The following ADGRV1 variants were observed in gnomAD, a reference collection of about 807,000 sequenced individuals.
The protein encoded by ADGRV1 is G-protein coupled receptor 98.
Under a neutral mutation model 596.2 loss-of-function variants are expected in ADGRV1, and 359 were observed. That is an observed-to-expected ratio of 0.60 (90% CI 0.55 to 0.66). The LOEUF is 0.66. Ranked by LOEUF, ADGRV1 falls within the 30% of genes least tolerant of loss-of-function variation. ADGRV1 has a pLI of 0.00. For missense variants in ADGRV1, 7,274 were observed against 7,575.6 expected (o/e 0.96, Z 1.48); for synonymous variants, 2,681 against 2,679.2 (o/e 1.00, Z -0.02).
At chr5:90,800,629 G>A (rs1184211596) in intron 70 of ADGRV1, among the ~76,000 whole-genome samples, 1 of 152,170 alleles carries the variant, frequency 6.6e-6, no homozygotes, top group African/African-American at 2.4e-5. Flanking sequence ...GCACACATAT[G>A]TTTATTGTGG....
chr5:90,938,415 A>G (rs919198856), intron 83 of ADGRV1, among the ~76,000 whole-genome samples: 8 of 152,240 alleles, frequency 5.3e-5, no homozygotes, highest in Admixed American at 5.2e-4. Context: ...ATATACTACC[A>G]TAAACATTGA....
At chr5:90,735,121 G>T (rs1753054837) in intron 50 of ADGRV1, among the ~76,000 whole-genome samples, 1 of 152,070 alleles carries the variant, frequency 6.6e-6, no homozygotes, top group Non-Finnish European at 1.5e-5. Flanking sequence ...AATGTCATGG[G>T]GATATTCCCC....
chr5:91,131,901 T>C (rs1266888593), intron 87 of ADGRV1, among the ~76,000 whole-genome samples: 1 of 152,200 alleles, frequency 6.6e-6, no homozygotes, highest in Non-Finnish European at 1.5e-5. Context: ...TTTCCTAAGT[T>C]TTCTTCTAGG....
At chr5:90,866,313 A>ATGTG (rs768538026) in intron 83 of ADGRV1, among the ~76,000 whole-genome samples, 1,912 of 20,508 alleles carry the variant, frequency 0.093, 19 homozygotes, top group Non-Finnish European at 0.19. Context: ...GTGTATGTGT[A>ATGTG]TATGTGTGTG....
intron 50 of ADGRV1, among the ~76,000 whole-genome samples, chr5:90,739,991 A>ATT (rs1220702458): frequency 2.0e-5 from 3 of 152,118 alleles, no homozygotes; most frequent in Non-Finnish European, 4.4e-5. Context: ...GGAGAGCCCC[A>ATT]GGATTTGGTT....
Position 90,617,841 on chromosome 5 carries a change from A to G in ADGRV1, c.245A>G (p.Tyr82Cys), listed in dbSNP as rs1166958114. The G allele has an allele frequency of 2.0e-5, 32 of 1,599,588 alleles. No individual in the cohort carries two copies. Among genetic ancestry groups the G allele is most frequent in the Non-Finnish European group, 2.5e-5 (29 of 1,172,298 alleles). Residue 82 changes from tyrosine to cysteine, a missense_variant, in exon 3 of 90, where the codon TAT (tyrosine) becomes TGT (cysteine). By Grantham distance (194) the Tyr-to-Cys change is radical. Around this residue, in one of 5 missense-constraint regions of ADGRV1, gnomAD observed 1,715 missense variants for 1,708.8 expected, o/e 1.00. Coordinates refer to ENST00000405460, the MANE Select transcript of ADGRV1 (RefSeq NM_032119.4). ...GACGCTGGTGACTTTTTTGACACAT[A>G]TGCTGCAGCTTTTATACCTGCCGGA... is the stretch of plus-strand genomic sequence containing the variant. The part of the protein sequence containing the change: ...GEDAGDFFDT[Y>C]AAAFIPAGET...
At chr5:90,824,652 T>C (rs1179671682) in intron 76 of ADGRV1, among the ~76,000 whole-genome samples, 1 of 152,246 alleles carries the variant, frequency 6.6e-6, no homozygotes. Context: ...TCATATAGTA[T>C]GTCCTCACTT....
At chr5:91,075,569 C>T (rs999705434) in intron 86 of ADGRV1, among the ~76,000 whole-genome samples, 3 of 152,150 alleles carry the variant, frequency 2.0e-5, no homozygotes, top group Non-Finnish European at 4.4e-5. Flanking sequence ...TGAATAGAAG[C>T]ATTGCCCTAT....
At chr5:90,591,761 A>G (rs913282814) in intron 1 of ADGRV1, among the ~76,000 whole-genome samples, 5 of 152,208 alleles carry the variant, frequency 3.3e-5, no homozygotes, top group Non-Finnish European at 7.3e-5. Flanking sequence ...GGTTTTGTTC[A>G]TGTAAATTGG....
At chr5:90,731,331 C>G (rs1017164836) in intron 50 of ADGRV1, among the ~76,000 whole-genome samples, 2 of 152,134 alleles carry the variant, frequency 1.3e-5, no homozygotes, top group Admixed American at 1.3e-4. Flanking sequence ...ATCACAAGAG[C>G]AGCAAGCGGG....
At chr5:90,665,883 T>C (rs1314838777) in intron 21 of ADGRV1, among the ~76,000 whole-genome samples, 1 of 150,030 alleles carries the variant, frequency 6.7e-6, no homozygotes, top group Non-Finnish European at 1.5e-5. Flanking sequence ...CCAGTAGTCA[T>C]TCAGGAGCAG....
chr5:90,668,438 C>G (rs890733679), intron 21 of ADGRV1, among the ~76,000 whole-genome samples: 8 of 152,278 alleles, frequency 5.3e-5, no homozygotes, highest in Admixed American at 4.6e-4. Context: ...TTGCGCTTCC[C>G]GAGTGAGGCA....
intron 85 of ADGRV1, among the ~76,000 whole-genome samples, chr5:90,992,528 C>T (rs1027754833): frequency 6.6e-6 from 1 of 152,248 alleles, no homozygotes; most frequent in African/African-American, 2.4e-5. Flanking sequence ...TTCATCCAAT[C>T]TCCGTGTAGT....
chr5:90,975,466 GA>G (rs2151010041), intron 84 of ADGRV1, among the ~76,000 whole-genome samples: 1 of 152,272 alleles, frequency 6.6e-6, no homozygotes, highest in East Asian at 1.9e-4. Flanking sequence ...GTCCATCAGT[GA>G]TAGACTGGAT....
At chr5:90,583,259 C>G (rs1269015046) in intron 1 of ADGRV1, among the ~76,000 whole-genome samples, 1 of 151,990 alleles carries the variant, frequency 6.6e-6, no homozygotes, top group Non-Finnish European at 1.5e-5. Context: ...TTTTTAGCTT[C>G]CGAGAGACTT....
rs540902118 is a variant in ADGRV1 at position 91,164,157 on chromosome 5, T to C, written c.*257T>C. 3.0e-5 allele frequency: 16 copies of C among 525,208 alleles called. No individual in the cohort carries two copies. In the East Asian group the frequency reaches 5.3e-4, roughly 17 times the overall value. 32.5% of individuals were successfully genotyped at this position (525,208 alleles called of 1,614,324 possible). A position where few individuals can be genotyped will look rare whatever the true frequency, so the allele number is the denominator to read the frequency against. ...CCAAGGATATTAGTTGTTTTTTTAATCATCCTATATGGCTAACATTGTTTA... is the reference window on the plus strand; with the variant it reads ...CCAAGGATATTAGTTGTTTTTTTAACCATCCTATATGGCTAACATTGTTTA... On this transcript the variant is annotated 3_prime_UTR_variant, in exon 90 of 90. Transcript: ENST00000405460.
At chr5:90,845,029 A>G (rs1015387146) in intron 78 of ADGRV1, among the ~76,000 whole-genome samples, 1 of 152,038 alleles carries the variant, frequency 6.6e-6, no homozygotes, top group Non-Finnish European at 1.5e-5. Context: ...TTAACTCTGT[A>G]TTTTACTGGC....
chr5:90,746,092 T>C (rs766882661), intron 52 of ADGRV1, among the ~76,000 whole-genome samples: 2 of 152,310 alleles, frequency 1.3e-5, no homozygotes, highest in Non-Finnish European at 2.9e-5. Context: ...AAAGTTTGGC[T>C]CTGCTGTTAG....
At chr5:90,923,289 A>G (rs768578466) in intron 83 of ADGRV1, among the ~76,000 whole-genome samples, 2 of 152,154 alleles carry the variant, frequency 1.3e-5, no homozygotes, top group Non-Finnish European at 2.9e-5. Context: ...CCTAATGTAT[A>G]TAAAGGATAA....
Sources: gnomAD v4.1 joint callset for allele counts (sites outside exome capture counted in the v4.1 genomes callset) on GRCh38, gnomAD v4.1.1 for gene constraint, gnomAD v4.1.1 regional missense constraint, MANE v1.5 for transcripts, NCBI Gene and HGNC (gene_info 2026-07-23, HGNC 2026-07-21) for gene names.